The following WDR47 variants were observed in gnomAD, a reference collection of about 807,000 sequenced individuals.
WDR47 encodes the protein WD repeat domain 47.
Under a neutral mutation model 97.2 loss-of-function variants are expected in WDR47, and 32 were observed. That is an observed-to-expected ratio of 0.33 (90% CI 0.25 to 0.44). WDR47 has a LOEUF of 0.44. Ranked by LOEUF, WDR47 falls within the 20% of genes least tolerant of loss-of-function variation. The pLI is 1.00. For missense variants in WDR47, 782 were observed against 1,102.3 expected (o/e 0.71, Z 4.11); for synonymous variants, 375 against 373.5 (o/e 1.00, Z -0.05).
intron 5 of WDR47, among the ~76,000 whole-genome samples, chr1:109,005,935 T>C (rs1451901400): frequency 6.6e-6 from 1 of 152,144 alleles, no homozygotes. Context: ...GTCACTTATA[T>C]TCTCTGTGGC....
At chr1:108,983,177 G>T in intron 11 of WDR47, 105 bp downstream of exon 11, 2 of 1,147,576 alleles carry the variant, frequency 1.7e-6, no homozygotes, top group Non-Finnish European at 1.2e-6. Flanking sequence ...TATTCTTTAA[G>T]ATTATATTCT....
At chr1:109,022,826 TCCG>T (rs1390301439) in intron 2 of WDR47, among the ~76,000 whole-genome samples, 1 of 151,820 alleles carries the variant, frequency 6.6e-6, no homozygotes, top group Non-Finnish European at 1.5e-5. Context: ...CCTCAAGTGA[TCCG>T]CCTGCCTCAG....
At chr1:108,977,501 A>G (rs553153695) in intron 13 of WDR47, among the ~76,000 whole-genome samples, 2 of 152,320 alleles carry the variant, frequency 1.3e-5, no homozygotes, top group Non-Finnish European at 2.9e-5. Flanking sequence ...TAGCTGAGGC[A>G]TAAAGTTGTT....
chr1:108,996,077 C>A (rs916013310), intron 7 of WDR47, among the ~76,000 whole-genome samples: 1 of 152,050 alleles, frequency 6.6e-6, no homozygotes, highest in East Asian at 1.9e-4. Context: ...ATAGACTTTT[C>A]TTTTTTTGAG....
At chr1:109,027,678 C>T (rs183016614) in intron 1 of WDR47, among the ~76,000 whole-genome samples, 2 of 152,086 alleles carry the variant, frequency 1.3e-5, no homozygotes, top group East Asian at 1.9e-4. Flanking sequence ...TGCCTGCCAC[C>T]ACGCCCGGCT....
At chr1:108,987,843 T>A (rs1413858272) in intron 9 of WDR47, among the ~76,000 whole-genome samples, 2 of 152,148 alleles carry the variant, frequency 1.3e-5, no homozygotes, top group African/African-American at 2.4e-5. Flanking sequence ...AAGTAGCATA[T>A]TCAAATTCCC....
At chr1:109,014,625 G>A (rs555503552) in intron 3 of WDR47, among the ~76,000 whole-genome samples, 5 of 151,716 alleles carry the variant, frequency 3.3e-5, no homozygotes, top group Admixed American at 1.3e-4. Context: ...TGTAGAGACC[G>A]GGTCTCACTT....
At position 109,039,106 on chromosome 1, in the gene WDR47, CAGG is replaced by C. The variant is rs1398844995; in HGVS notation, c.-10+2753_-10+2755del. On this transcript the variant is annotated intron_variant, in intron 1 of 14. Transcript: ENST00000369962. ...TAATATTCATCTGAAGCCATTTAAA[CAGG>C]AGAAGTTCAGGTGGGTAATGAGTGA... Among the ~76,000 whole-genome samples the C allele has an allele frequency of 3.3e-5, 5 of 152,094 alleles. No homozygotes were observed. In the South Asian group the frequency reaches 1.0e-3, roughly 32 times the overall value.
chr1:108,991,216 A>G, intron 9 of WDR47, 38 bp downstream of exon 9: 1 of 1,567,468 alleles, frequency 6.4e-7, no homozygotes, highest in Non-Finnish European at 8.7e-7. Context: ...TTACAGGTGC[A>G]TATGAAAACA....
At chr1:109,015,992 A>G (rs1661388697) in intron 3 of WDR47, among the ~76,000 whole-genome samples, 1 of 151,124 alleles carries the variant, frequency 6.6e-6, no homozygotes, top group Admixed American at 6.6e-5. Context: ...CAAAAAAAAA[A>G]AAAAAAAACC....
intron 2 of WDR47, among the ~76,000 whole-genome samples, chr1:109,021,718 G>C (rs1272334025): frequency 1.3e-5 from 2 of 151,996 alleles, no homozygotes; most frequent in Non-Finnish European, 2.9e-5. Context: ...ATAGAGACGG[G>C]ATTTCACCAC....
At chr1:109,003,494 T>G (rs17031897) in intron 6 of WDR47, among the ~76,000 whole-genome samples, 5,701 of 152,178 alleles carry the variant, frequency 0.037, 367 homozygotes, top group African/African-American at 0.13. Flanking sequence ...CAAAGTGGCA[T>G]GCTGTATAAA....
chr1:108,988,708 T>C (rs932483081), intron 9 of WDR47, among the ~76,000 whole-genome samples: 1 of 151,200 alleles, frequency 6.6e-6, no homozygotes, highest in Non-Finnish European at 1.5e-5. Flanking sequence ...TAAACAAACA[T>C]CCCTTTAAAA....
chr1:109,008,219 T>C (rs1030975779), intron 5 of WDR47, among the ~76,000 whole-genome samples: 1 of 152,098 alleles, frequency 6.6e-6, no homozygotes, highest in African/African-American at 2.4e-5. Context: ...CTCTCCTCTA[T>C]AATCTCAGAG....
In WDR47 at chr1:109,004,180, G is replaced by A. The variant is rs985453100; in HGVS notation, c.1254+412C>T. On this transcript the variant is annotated intron_variant, in intron 6 of 14. Coordinates refer to ENST00000369962, the MANE Select transcript of WDR47 (RefSeq NM_001142551.2). ...CTCGGGAGGCTGAGGCAGGAGAGTGGCACAAACCCGGGAGGCGGAGCTTGC... is the reference window on the plus strand; with the variant it reads ...CTCGGGAGGCTGAGGCAGGAGAGTGACACAAACCCGGGAGGCGGAGCTTGC... Among the ~76,000 whole-genome samples, 40 of 151,434 alleles carry A rather than the reference G, an allele frequency of 2.6e-4. 1 individual carries two copies. Among genetic ancestry groups the A allele is most frequent in the South Asian group, 2.1e-4 (1 of 4,806 alleles).
chr1:109,014,433 T>C (rs919115894), intron 3 of WDR47, among the ~76,000 whole-genome samples: 1 of 151,482 alleles, frequency 6.6e-6, no homozygotes, highest in Non-Finnish European at 1.5e-5. Context: ...GCTTTTTTCC[T>C]TTTCTTTTTT....
intron 9 of WDR47, among the ~76,000 whole-genome samples, chr1:108,989,693 A>T (rs1659167500): frequency 6.6e-6 from 1 of 152,102 alleles, no homozygotes; most frequent in South Asian, 2.1e-4. Context: ...TGTCCTCCAG[A>T]GTGTTTTAAA....
At chr1:108,999,294 A>C (rs1659991993) in intron 7 of WDR47, among the ~76,000 whole-genome samples, 1 of 152,020 alleles carries the variant, frequency 6.6e-6, no homozygotes, top group African/African-American at 2.4e-5. Context: ...ATGACAGAAA[A>C]TTTATGGGAA....
rs140978689 is a variant in WDR47, at chr1:109,014,908, G to T, written c.243-983C>A. 5.9e-4 allele frequency among the ~76,000 whole-genome samples: 90 copies of T among 152,296 alleles called. No homozygotes were observed. The East Asian group carries it at 0.017, about 29-fold the overall frequency. On this transcript the variant is annotated intron_variant, in intron 3 of 14. Transcript: ENST00000369962. The stretch of plus-strand genomic sequence containing the variant: ...TTCAGTCATTCTTTCAGCCACTGTT[G>T]TAGTAGCAAATTGTGTCCAATAAAA...
Sources: allele counts gnomAD v4.1 joint callset (sites outside exome capture counted in the v4.1 genomes callset), GRCh38; gene constraint gnomAD v4.1.1; transcripts MANE v1.5; gene names NCBI Gene and HGNC (gene_info 2026-07-23, HGNC 2026-07-21).